ACAD10: variants seen among roughly 807,000 people sequenced by gnomAD.
The protein encoded by ACAD10 is ACAD-10.
A neutral mutation model predicts 116.8 loss-of-function variants in ACAD10; 112 were observed. The observed-to-expected ratio is 0.96, with a 90% CI of 0.82 to 1.12. The LOEUF (loss-of-function observed/expected upper bound fraction) is 1.12, where lower values mean the gene tolerates loss of function less well. ACAD10 is among the 50% of genes most tolerant of loss of function. The pLI is 0.00. For missense variants in ACAD10, 1,259 were observed against 1,350.2 expected, an observed-to-expected ratio of 0.93 and a Z score of 1.06; for synonymous variants, 486 against 510.6, an observed-to-expected ratio of 0.95 and a Z score of 0.65.
At chr12:111,693,139 T>C (rs1888103250) in intron 2 of ACAD10, 1 of 516,450 alleles carries the variant, frequency 1.9e-6, no homozygotes. Flanking sequence ...CTCCTTGGGA[T>C]TTGGCGGAGA....
chr12:111,751,401 G>T (rs189054297), intron 18 of ACAD10, among the ~76,000 whole-genome samples: 8 of 152,256 alleles, frequency 5.3e-5, no homozygotes, highest in African/African-American at 1.9e-4. Flanking sequence ...CCAGGAATTT[G>T]AAACTAGCCT....
intron 2 of ACAD10, among the ~76,000 whole-genome samples, chr12:111,699,033 C>T (rs1888275027): frequency 6.6e-6 from 1 of 152,052 alleles, no homozygotes; most frequent in Admixed American, 6.6e-5. Flanking sequence ...CTCGCACCAC[C>T]ACACCTGGCT....
chr12:111,737,841 G>GTGTGT (rs1889615850), intron 12 of ACAD10, among the ~76,000 whole-genome samples: 1 of 146,396 alleles, frequency 6.8e-6, no homozygotes, highest in African/African-American at 2.5e-5. Flanking sequence ...CAAATTTCTT[G>GTGTGT]GTGTGTGTGT....
At chr12:111,728,468 A>G (rs923546338) in intron 9 of ACAD10, among the ~76,000 whole-genome samples, 1 of 151,222 alleles carries the variant, frequency 6.6e-6, no homozygotes, top group African/African-American at 2.4e-5. Flanking sequence ...TTTTTCTGAT[A>G]CTGACCATAG....
At chr12:111,695,337 G>A (rs145792874) in intron 2 of ACAD10, among the ~76,000 whole-genome samples, 1 of 152,268 alleles carries the variant, frequency 6.6e-6, no homozygotes, top group East Asian at 1.9e-4. Context: ...GGAATCTTTT[G>A]AACACTCAGT....
intron 11 of ACAD10, among the ~76,000 whole-genome samples, chr12:111,735,487 G>A (rs1448950555): frequency 6.7e-6 from 1 of 150,124 alleles, no homozygotes; most frequent in Non-Finnish European, 1.5e-5. Flanking sequence ...ACGGAGTCTC[G>A]CTCTGTTGCC....
In ACAD10 at chr12:111,721,723, C is replaced by G. The variant is rs1374910622; in HGVS notation, c.1045C>G (p.Leu349Val). The G allele has an allele frequency of 6.3e-7, 1 of 1,599,130 alleles. No homozygotes were observed. Among genetic ancestry groups the G allele is most frequent in the Non-Finnish European group, 8.6e-7 (1 of 1,168,886 alleles). ...AGTACCTGTCCCTAACGTTCTTGAT[C>G]TCTGTGAAGATTCAAGGTAAAGTTC... ...AGVPVPNVLD[L>V]CEDSSVIGTP... Residue 349 changes from leucine to valine, a missense_variant, in exon 8 of 21, where the codon CTC becomes GTC. By Grantham distance (32) the Leu-to-Val change is conservative. Transcript: ENST00000313698.
At chr12:111,707,133 A>G (rs1888535230) in intron 4 of ACAD10, among the ~76,000 whole-genome samples, 1 of 148,710 alleles carries the variant, frequency 6.7e-6, no homozygotes, top group Non-Finnish European at 1.5e-5. Context: ...TCTGTCGCCC[A>G]GGTTGGAGTT....
chr12:111,706,540 C>T (rs1888509512), intron 4 of ACAD10, among the ~76,000 whole-genome samples: 1 of 151,998 alleles, frequency 6.6e-6, no homozygotes, highest in East Asian at 1.9e-4. Flanking sequence ...ACCTCTGCTT[C>T]CCAGGTTCAA....
chr12:111,699,181 A>T (rs1447423189), intron 2 of ACAD10, among the ~76,000 whole-genome samples: 8 of 152,124 alleles, frequency 5.3e-5, no homozygotes, highest in Non-Finnish European at 1.2e-4. Flanking sequence ...CACCACGCCC[A>T]GCCTTCTATA....
intron 2 of ACAD10, among the ~76,000 whole-genome samples, chr12:111,695,101 T>A (rs1461793991): frequency 2.0e-5 from 3 of 152,202 alleles, no homozygotes; most frequent in Admixed American, 2.0e-4. Flanking sequence ...CTTGAATGCC[T>A]GCATGTGGTC....
In ACAD10 at chr12:111,755,723, G is replaced by C. The variant is rs747732996; in HGVS notation, c.3017G>C (p.Arg1006Pro). 1 of 1,613,712 alleles carries C rather than the reference G, an allele frequency of 6.2e-7. No homozygotes were observed. The highest frequency in any genetic ancestry group is 1.3e-5 in the African/African-American group (1 of 74,908). Reference protein sequence around the residue: ...IKMVAPSMASRVIDRAIQAFG... With the variant: ...IKMVAPSMASPVIDRAIQAFG... ...ATGGTCGCCCCGTCCATGGCCTCCC[G>C]AGTGATTGATCGTGCGATTCAGGTG... Residue 1006 changes from arginine to proline, a missense_variant, in exon 20 of 21, where the codon CGA becomes CCA. Arg to Pro is a moderately radical substitution (Grantham distance 103). Transcript: ENST00000313698.
intron 5 of ACAD10, among the ~76,000 whole-genome samples, chr12:111,711,800 C>T (rs552090153): frequency 1.4e-4 from 22 of 152,346 alleles, no homozygotes; most frequent in African/African-American, 5.3e-4. Flanking sequence ...GCGTGAGCCA[C>T]CGCGCCCAGC....
intron 4 of ACAD10, among the ~76,000 whole-genome samples, chr12:111,706,230 T>C (rs1888500938): frequency 1.3e-5 from 2 of 152,302 alleles, no homozygotes; most frequent in South Asian, 4.1e-4. Context: ...CATATCGTAA[T>C]GGATCCTTTG....
At position 111,747,087 on chromosome 12, in the gene ACAD10, G is replaced by A. The variant is rs200340867; in HGVS notation, c.2295G>A (p.Glu765=). Residue 765 remains glutamate (E), a synonymous_variant, in exon 15 of 21, where the codon GAG becomes GAA. Coordinates refer to ENST00000313698, the MANE Select transcript of ACAD10 (RefSeq NM_025247.6). ...CTGCGCCTGACACGGGCAACATGGA[G>A]CTGCTGGTGAGGTATGGCACCGAAG... The part of the protein sequence containing the change: ...NCSAPDTGNM[E]LLVRYGTEAQ... 3 of 1,612,416 alleles carry A rather than the reference G, an allele frequency of 1.9e-6. No homozygotes were observed. The highest frequency in any genetic ancestry group is 2.2e-5 in the East Asian group (1 of 44,840).
chr12:111,704,450 TTAGAG>T (rs1294465306), intron 3 of ACAD10, among the ~76,000 whole-genome samples: 1 of 151,540 alleles, frequency 6.6e-6, no homozygotes, highest in African/African-American at 2.4e-5. Flanking sequence ...GGTTTGCTCT[TTAGAG>T]TAATGAAAAT....
chr12:111,743,162 A>T (rs1889792156), intron 12 of ACAD10, among the ~76,000 whole-genome samples: 1 of 152,220 alleles, frequency 6.6e-6, no homozygotes, highest in African/African-American at 2.4e-5. Flanking sequence ...CATTGTACAC[A>T]TAGCAATCTG....
intron 8 of ACAD10, among the ~76,000 whole-genome samples, chr12:111,724,293 G>C (rs534068719): frequency 7.0e-6 from 1 of 142,934 alleles, no homozygotes; most frequent in African/African-American, 2.6e-5. Context: ...GGATGGCGGC[G>C]GGGCGGAGAC....
At chr12:111,699,179 C>T (rs1170188153) in intron 2 of ACAD10, among the ~76,000 whole-genome samples, 1 of 152,114 alleles carries the variant, frequency 6.6e-6, no homozygotes, top group Non-Finnish European at 1.5e-5. Flanking sequence ...GTCACCACGC[C>T]CAGCCTTCTA....
Sources: gnomAD v4.1 joint callset for allele counts (sites outside exome capture counted in the v4.1 genomes callset) on GRCh38, gnomAD v4.1.1 for gene constraint, MANE v1.5 for transcripts, NCBI Gene and HGNC (gene_info 2026-07-23, HGNC 2026-07-21) for gene names.